PTPRN2: variants seen among roughly 807,000 people sequenced by gnomAD.
PTPRN2 encodes the protein protein tyrosine phosphatase receptor type N2.
A neutral mutation model predicts 118.8 loss-of-function variants in PTPRN2; 74 were observed. The observed-to-expected ratio is 0.62, with a 90% confidence interval of 0.52 to 0.76. The LOEUF (loss-of-function observed/expected upper bound fraction) is 0.76. Among genes scored for constraint, PTPRN2 ranks in the 30% least tolerant of loss-of-function variants. The pLI is 0.00. For synonymous variants in PTPRN2, 641 were observed against 608.0 expected (o/e 1.05, Z -0.80); for missense variants, 1,481 against 1,394.4 (o/e 1.06, Z -0.99).
chr7:157,967,840 AGGGGTCT>A (rs1263546435), intron 11 of PTPRN2, among the ~76,000 whole-genome samples: 1 of 152,222 alleles, frequency 6.6e-6, no homozygotes, highest in Non-Finnish European at 1.5e-5. Context: ...TCCAGGGAGA[AGGGGTCT>A]GGGCAGCCAC....
rs1411621261 is a variant in PTPRN2, at chr7:158,320,096, CAT to C, written c.164-3166_164-3165del. Among the ~76,000 whole-genome samples, 105 of 37,124 alleles carry C rather than the reference CAT, an allele frequency of 2.8e-3. 19 individuals are homozygous for C. The highest frequency in any genetic ancestry group is 3.4e-3 in the African/African-American group (35 of 10,434). 24.4% of individuals were successfully genotyped at this position (37,124 alleles called of 152,430 possible). On this transcript the variant is annotated intron_variant, in intron 2 of 22. Transcript: ENST00000389418. ...ACACAGCCTCCCTCACACACACTCA[CAT>C]AGTCTCCCTCACACACACACACAGC...
chr7:157,954,691 G>A (rs1016919299), intron 11 of PTPRN2, among the ~76,000 whole-genome samples: 22 of 152,240 alleles, frequency 1.4e-4, no homozygotes, highest in African/African-American at 5.1e-4. Flanking sequence ...ACCCCAGAGC[G>A]AGGCCCCGCC....
rs968394842 is a variant in PTPRN2 at position 157,976,555 on chromosome 7, G to A, written c.1724-77818C>T. Among the ~76,000 whole-genome samples the A allele has an allele frequency of 2.4e-4, 37 of 151,464 alleles. 1 individual carries two copies. In the East Asian group the frequency reaches 2.5e-3, roughly 10 times the overall value. On this transcript the variant is annotated intron_variant, in intron 11 of 22. Transcript: ENST00000389418. ...TGGAGCCTCCACCATGAGGCCTCCC[G>A]TGCTGCCTCCTGGGATAGTCACGCA... is the stretch of plus-strand genomic sequence containing the variant.
chr7:158,328,777 G>A (rs1004594306), intron 2 of PTPRN2, among the ~76,000 whole-genome samples: 1 of 134,484 alleles, frequency 7.4e-6, no homozygotes, highest in African/African-American at 3.0e-5. Context: ...CAAGTCACTA[G>A]GAGCGGGGCC....
chr7:158,442,810 A>G (rs1017450290), intron 2 of PTPRN2, among the ~76,000 whole-genome samples: 1 of 152,178 alleles, frequency 6.6e-6, no homozygotes, highest in African/African-American at 2.4e-5. Flanking sequence ...AAGGGAATGT[A>G]TGTTTCCTTT....
rs1801797302 is a variant in PTPRN2, at chr7:157,964,797, C to G, written c.1724-66060G>C. ...GGTGTGAAACCCCACCCCACTCAAC[C>G]CTGGCTGATCCCCATGGCCTGTTCT... On this transcript the variant is annotated intron_variant, in intron 11 of 22. Coordinates refer to ENST00000389418, the MANE Select transcript of PTPRN2 (RefSeq NM_002847.5). The surrounding 1 kb of genome is among the most constrained non-coding windows in gnomAD (Gnocchi z 9.0). 6.6e-6 allele frequency among the ~76,000 whole-genome samples: 1 copy of G among 152,216 alleles called. No homozygotes were observed. The highest frequency in any genetic ancestry group is 2.1e-4 in the South Asian group (1 of 4,832).
chr7:157,945,652 C>T (rs35084202), intron 11 of PTPRN2, among the ~76,000 whole-genome samples: 14 of 150,632 alleles, frequency 9.3e-5, no homozygotes, highest in South Asian at 4.3e-4. Context: ...CCAAGTCAGA[C>T]GATGCCGCCT....
At chr7:158,446,264 C>G (rs995963769) in intron 2 of PTPRN2, among the ~76,000 whole-genome samples, 1 of 152,216 alleles carries the variant, frequency 6.6e-6, no homozygotes, top group African/African-American at 2.4e-5. Flanking sequence ...AAAAATTACC[C>G]CCAATCTATA....
At chr7:158,340,093 A>C (rs373602298) in intron 2 of PTPRN2, among the ~76,000 whole-genome samples, 1 of 67,328 alleles carries the variant, frequency 1.5e-5, no homozygotes, top group South Asian at 7.4e-4. Flanking sequence ...TGCAGACGTC[A>C]CTCACACCCA....
chr7:157,945,426 T>G (rs1800415123), intron 11 of PTPRN2, among the ~76,000 whole-genome samples: 1 of 152,126 alleles, frequency 6.6e-6, no homozygotes, highest in Non-Finnish European at 1.5e-5. Context: ...TCCTGGCGTC[T>G]GACAAATCAA....
At chr7:158,073,268 A>C (rs529658559) in intron 11 of PTPRN2, among the ~76,000 whole-genome samples, 1 of 152,340 alleles carries the variant, frequency 6.6e-6, no homozygotes, top group East Asian at 1.9e-4. Context: ...TCTGGCAGAC[A>C]TCGGCCTCCC....
At chr7:158,488,811 G>A (rs1182507830) in intron 2 of PTPRN2, among the ~76,000 whole-genome samples, 1 of 152,280 alleles carries the variant, frequency 6.6e-6, no homozygotes, top group East Asian at 1.9e-4. Flanking sequence ...GCTGGGGAAA[G>A]AGAAGGCCTC....
At chr7:157,657,455 CAT>C (rs1373899396) in intron 13 of PTPRN2, among the ~76,000 whole-genome samples, 1 of 112,250 alleles carries the variant, frequency 8.9e-6, no homozygotes, top group East Asian at 3.2e-4. Flanking sequence ...ACACATCACA[CAT>C]ATACACACAC....
intron 6 of PTPRN2, among the ~76,000 whole-genome samples, chr7:158,162,041 C>T (rs1458362152): frequency 6.6e-6 from 1 of 152,146 alleles, no homozygotes; most frequent in Admixed American, 6.5e-5. Flanking sequence ...GAGACACCAC[C>T]ACACACCTCT....
intron 12 of PTPRN2, among the ~76,000 whole-genome samples, chr7:157,840,424 G>A (rs1808331820): frequency 6.6e-6 from 1 of 151,300 alleles, no homozygotes; most frequent in Non-Finnish European, 1.5e-5. Flanking sequence ...GTGACTGTGT[G>A]TGACTGTGTG....
In PTPRN2 at chr7:157,810,555, G is replaced by A. The variant is rs558054682; in HGVS notation, c.1788+88118C>T. Among the ~76,000 whole-genome samples, 43 of 145,674 alleles carry A rather than the reference G, an allele frequency of 3.0e-4. No individual in the cohort carries two copies. In the South Asian group the frequency reaches 5.8e-3, roughly 20 times the overall value. ...GGTTCTCCACGGGGACGGGGACGGC[G>A]GGACTGCTGGGGGCTGGGCTCTCCA... On this transcript the variant is annotated intron_variant, in intron 12 of 22. Coordinates refer to ENST00000389418, the MANE Select transcript of PTPRN2 (RefSeq NM_002847.5).
intron 5 of PTPRN2, among the ~76,000 whole-genome samples, chr7:158,175,118 C>A (rs1824069068): frequency 6.6e-6 from 1 of 152,182 alleles, no homozygotes; most frequent in Non-Finnish European, 1.5e-5. Context: ...TTCTCCTGCA[C>A]CGAGGATCCA....
intron 2 of PTPRN2, among the ~76,000 whole-genome samples, chr7:158,359,625 T>C (rs796069816): frequency 4.6e-5 from 7 of 152,296 alleles, no homozygotes; most frequent in African/African-American, 1.4e-4. Flanking sequence ...AAAACCAACA[T>C]GGGTCATCAT....
At chr7:158,524,609 A>T (rs1458269213) in intron 1 of PTPRN2, among the ~76,000 whole-genome samples, 1 of 151,992 alleles carries the variant, frequency 6.6e-6, no homozygotes, top group African/African-American at 2.4e-5. Context: ...GTTGGTTGTT[A>T]TGGTCAAGCC....
Sources: allele counts gnomAD v4.1 joint callset (sites outside exome capture counted in the v4.1 genomes callset), GRCh38; gene constraint gnomAD v4.1.1; non-coding constraint Gnocchi (gnomAD v3.1); transcripts MANE v1.5; gene names NCBI Gene and HGNC (gene_info 2026-07-23, HGNC 2026-07-21).